Variants in EVI5 observed in about 807,000 individuals in gnomAD.
EVI5 encodes ecotropic viral integration site 5 protein homolog.
Under a neutral mutation model 112.0 loss-of-function variants are expected in EVI5, and 73 were observed. That is an observed-to-expected ratio of 0.65 (90% confidence interval 0.54 to 0.79). The LOEUF (loss-of-function observed/expected upper bound fraction) is 0.79. Ranked by LOEUF, EVI5 falls within the 30% of genes least tolerant of loss-of-function variation. EVI5 has a pLI of 0.00. For synonymous variants in EVI5, 305 were observed against 319.9 expected (o/e 0.95, Z 0.50); for missense variants, 900 against 968.8 (o/e 0.93, Z 0.94).
At chr1:92,745,099 T>A (rs79072532) in intron 1 of EVI5, among the ~76,000 whole-genome samples, 1 of 110,950 alleles carries the variant, frequency 9.0e-6, no homozygotes, top group South Asian at 2.7e-4. Context: ...GCCAGGCTAA[T>A]TTTTTTTTTT....
chr1:92,759,859 T>TC (rs869294091), intron 1 of EVI5, among the ~76,000 whole-genome samples: 1 of 123,784 alleles, frequency 8.1e-6, no homozygotes, highest in East Asian at 2.3e-4. Flanking sequence ...ACAAATACCC[T>TC]CCCCCCCACA....
At chr1:92,652,158 T>TCA (rs1247710479) in intron 13 of EVI5, among the ~76,000 whole-genome samples, 3 of 152,194 alleles carry the variant, frequency 2.0e-5, no homozygotes, top group African/African-American at 4.8e-5. Context: ...TGGAATTTTA[T>TCA]CAGCCATAAA....
At chr1:92,744,656 A>C (rs1191736732) in intron 1 of EVI5, among the ~76,000 whole-genome samples, 4 of 151,792 alleles carry the variant, frequency 2.6e-5, no homozygotes, top group African/African-American at 9.7e-5. Context: ...AGAGGACGGC[A>C]GACTTGAAGA....
intron 14 of EVI5, among the ~76,000 whole-genome samples, chr1:92,635,357 C>G (rs924284613): frequency 6.6e-6 from 1 of 152,208 alleles, no homozygotes; most frequent in Non-Finnish European, 1.5e-5. Flanking sequence ...GCGTTGTTTA[C>G]CTACTCAAGC....
chr1:92,561,482 G>A (rs930869184), intron 19 of EVI5, among the ~76,000 whole-genome samples: 13 of 151,692 alleles, frequency 8.6e-5, no homozygotes, highest in African/African-American at 3.2e-4. Context: ...TGCTTTCTTA[G>A]GCCACACGTA....
intron 14 of EVI5, among the ~76,000 whole-genome samples, chr1:92,632,507 T>C (rs532009573): frequency 7.9e-5 from 12 of 152,312 alleles, no homozygotes; most frequent in African/African-American, 2.9e-4. Context: ...TGTATTTCTG[T>C]GGGATAGTTG....
At chr1:92,735,789 AGTATATTATATATTTT>A (rs1484522312) in intron 2 of EVI5, among the ~76,000 whole-genome samples, 1 of 144,300 alleles carries the variant, frequency 6.9e-6, no homozygotes, top group Non-Finnish European at 1.5e-5. Flanking sequence ...CATATTATAA[AGTATATTATATATTTT>A]GTATATTATA....
intron 18 of EVI5, among the ~76,000 whole-genome samples, chr1:92,597,554 G>C (rs1286508607): frequency 6.6e-6 from 1 of 152,120 alleles, no homozygotes; most frequent in Non-Finnish European, 1.5e-5. Context: ...TTCCTAACTG[G>C]TAGTGACCTA....
chr1:92,654,337 C>A (rs969337601), intron 13 of EVI5, among the ~76,000 whole-genome samples: 2 of 152,076 alleles, frequency 1.3e-5, no homozygotes, highest in Admixed American at 6.6e-5. Context: ...AGATAAGATT[C>A]TTGAGACTTC....
chr1:92,566,362 T>C (rs1317175294), intron 18 of EVI5, among the ~76,000 whole-genome samples: 2 of 152,206 alleles, frequency 1.3e-5, no homozygotes, highest in African/African-American at 4.8e-5. Flanking sequence ...CATAAGATTA[T>C]AATAAGAAAT....
At chr1:92,690,087 A>C (rs772201009) in intron 9 of EVI5, among the ~76,000 whole-genome samples, 29 of 151,730 alleles carry the variant, frequency 1.9e-4, no homozygotes, top group Non-Finnish European at 3.5e-4. Context: ...TATGTTGCCC[A>C]GGCTGGTCTC....
intron 9 of EVI5, among the ~76,000 whole-genome samples, chr1:92,691,740 T>C (rs1251739596): frequency 6.6e-6 from 1 of 152,038 alleles, no homozygotes; most frequent in African/African-American, 2.4e-5. Flanking sequence ...GTATTCTGAA[T>C]TAGCATTATA....
intron 19 of EVI5, among the ~76,000 whole-genome samples, chr1:92,520,775 C>G (rs933651130): frequency 2.0e-5 from 3 of 150,680 alleles, no homozygotes; most frequent in Admixed American, 2.0e-4. Context: ...TGCTTGAGCA[C>G]AGGAGGTCAA....
chr1:92,675,540 C>G (rs1188123360), intron 10 of EVI5, among the ~76,000 whole-genome samples: 1 of 151,954 alleles, frequency 6.6e-6, no homozygotes, highest in Non-Finnish European at 1.5e-5. Context: ...TCCCCATCCT[C>G]AGATTCTTGA....
intron 13 of EVI5, among the ~76,000 whole-genome samples, chr1:92,660,910 AC>A (rs1002543870): frequency 4.6e-5 from 7 of 152,024 alleles, no homozygotes; most frequent in African/African-American, 1.4e-4. Context: ...CTACATACCT[AC>A]ATTTGATGAA....
rs886233178 is a variant in EVI5, at chr1:92,785,018, C to T, written c.-264G>A. The T allele has an allele frequency of 6.1e-6, 6 of 985,454 alleles. No homozygotes were observed. The highest frequency in any genetic ancestry group is 1.7e-5 in the African/African-American group (1 of 57,240). The allele number at this position is 985,454 out of a possible 1,614,324, so 61.0% of individuals were successfully genotyped here. On this transcript the variant is annotated 5_prime_UTR_variant, in exon 1 of 20. Transcript: ENST00000684568. ...CCTCGCGACCCTCACCTACCCCTCCCGGCACCGCCGCTGTCGGAACTGCAG... is the reference window on the plus strand; with the variant it reads ...CCTCGCGACCCTCACCTACCCCTCCTGGCACCGCCGCTGTCGGAACTGCAG...
intron 19 of EVI5, among the ~76,000 whole-genome samples, chr1:92,551,040 C>CTCT (rs1666836153): frequency 2.5e-5 from 2 of 80,702 alleles, no homozygotes; most frequent in South Asian, 5.1e-4. Context: ...TTCTTTCTTT[C>CTCT]TTTTTTTTTT....
intron 19 of EVI5, among the ~76,000 whole-genome samples, chr1:92,548,990 A>C (rs1381185792): frequency 6.6e-6 from 1 of 152,200 alleles, no homozygotes; most frequent in East Asian, 1.9e-4. Context: ...GAATTGGAAA[A>C]AACTACTTTA....
intron 16 of EVI5, among the ~76,000 whole-genome samples, chr1:92,619,831 T>G (rs530366747): frequency 6.6e-6 from 1 of 152,032 alleles, no homozygotes; most frequent in African/African-American, 2.4e-5. Flanking sequence ...ATACCTTCAG[T>G]TGGCTCATCA....
Sources: gnomAD v4.1 joint callset for allele counts (sites outside exome capture counted in the v4.1 genomes callset) on GRCh38, gnomAD v4.1.1 for gene constraint, MANE v1.5 for transcripts, NCBI Gene and HGNC (gene_info 2026-07-23, HGNC 2026-07-21) for gene names.